Variants in CDH18 observed in about 807,000 individuals in gnomAD.
CDH18 encodes cadherin 18, also known as cadherin-18.
A neutral mutation model predicts 67.9 loss-of-function variants in CDH18; 31 were observed. The ratio of observed to expected loss-of-function variants is 0.46; its 90% CI spans 0.34 to 0.62. The LOEUF (loss-of-function observed/expected upper bound fraction) is 0.62. CDH18 is among the 20% of genes least tolerant of loss of function. CDH18 has a pLI of 0.01. For synonymous variants in CDH18, 362 were observed against 347.2 expected (o/e 1.04, Z -0.48); for missense variants, 890 against 975.5 (o/e 0.91, Z 1.17).
chr5:19,996,122 C>T (rs779616405), intron 2 of CDH18, among the ~76,000 whole-genome samples: 3 of 151,968 alleles, frequency 2.0e-5, no homozygotes, highest in African/African-American at 4.8e-5. Context: ...CTTTTCAGAA[C>T]GATATTCAAT....
chr5:20,447,198 CTTGT>C lies in CDH18; in HGVS notation c.-580+128260_-580+128263del. On this transcript the variant is annotated intron_variant, in intron 1 of 14. Transcript: ENST00000507958. ...TTTTTCTGTTTTTCTCAGTGTCCTTCTTGTTTATTTGTTCTTTCTTCAGTCAATA... is the reference window on the plus strand; with the variant it reads ...TTTTTCTGTTTTTCTCAGTGTCCTTCTTATTTGTTCTTTCTTCAGTCAATA... Among the ~76,000 whole-genome samples the C allele has an allele frequency of 2.0e-5, 3 of 151,966 alleles. No individual in the cohort carries two copies. In the Middle Eastern group the frequency reaches 0.01, roughly 520 times the overall value.
intron 1 of CDH18, among the ~76,000 whole-genome samples, chr5:20,455,041 G>A (rs187228195): frequency 4.7e-5 from 7 of 150,320 alleles, no homozygotes; most frequent in South Asian, 2.1e-4. Context: ...CTCCTAATGC[G>A]AGCCAATGCT....
At chr5:19,699,248 T>C (rs1242387037) in intron 5 of CDH18, among the ~76,000 whole-genome samples, 2 of 152,166 alleles carry the variant, frequency 1.3e-5, no homozygotes, top group Non-Finnish European at 2.9e-5. Context: ...TATATCCTCA[T>C]CCATATTGTC....
chr5:20,438,324 G>C (rs1271642254), intron 1 of CDH18, among the ~76,000 whole-genome samples: 1 of 150,780 alleles, frequency 6.6e-6, no homozygotes, highest in Non-Finnish European at 1.5e-5. Context: ...TAGAATAAAT[G>C]AACAGCAAAT....
At chr5:20,382,504 T>C (rs1743989930) in intron 1 of CDH18, among the ~76,000 whole-genome samples, 1 of 152,086 alleles carries the variant, frequency 6.6e-6, no homozygotes, top group African/African-American at 2.4e-5. Context: ...TGTTAGGTAA[T>C]GGATGCCAAT....
intron 2 of CDH18, among the ~76,000 whole-genome samples, chr5:20,033,144 C>T (rs914899666): frequency 6.6e-6 from 1 of 151,738 alleles, no homozygotes; most frequent in African/African-American, 2.4e-5. Flanking sequence ...GTCAGAGGTT[C>T]AGAAAGAGTA....
At chr5:20,098,429 T>C (rs537232814) in intron 2 of CDH18, among the ~76,000 whole-genome samples, 20 of 152,120 alleles carry the variant, frequency 1.3e-4, no homozygotes, top group Non-Finnish European at 4.4e-5. Flanking sequence ...ATTAGGTATC[T>C]AGAAATTGTT....
intron 5 of CDH18, among the ~76,000 whole-genome samples, chr5:19,621,665 G>C (rs1307562675): frequency 6.6e-6 from 1 of 152,080 alleles, no homozygotes; most frequent in South Asian, 2.1e-4. Context: ...GTTTTCCAGG[G>C]GCTGAGTGAG....
Position 19,612,787 on chromosome 5 carries a change from C to T in CDH18, c.644-186G>A, listed in dbSNP as rs1226183190. Among the ~76,000 whole-genome samples, 7 of 152,214 alleles carry T rather than the reference C, an allele frequency of 4.6e-5. No homozygotes were observed. The East Asian group carries it at 1.4e-3, about 29-fold the overall frequency. ...GTCTCTTTGAAAAATTTACTTATCC[C>T]ATGCCCCAAACATCCTATTAAGTAA... On this transcript the variant is annotated intron_variant, in intron 5 of 12. Transcript: ENST00000382275.
chr5:19,967,485 C>T (rs1022391108), intron 2 of CDH18, among the ~76,000 whole-genome samples: 2 of 152,016 alleles, frequency 1.3e-5, no homozygotes, highest in Admixed American at 1.3e-4. Context: ...ACATATTGTA[C>T]AGAGAGCAAA....
chr5:19,587,993 G>A (rs938860472), intron 7 of CDH18, among the ~76,000 whole-genome samples: 1 of 151,926 alleles, frequency 6.6e-6, no homozygotes. Flanking sequence ...TTCTTGAATA[G>A]GTCCTTTGCT....
intron 1 of CDH18, chr5:20,304,525 C>T: frequency 6.2e-7 from 1 of 1,608,750 alleles, no homozygotes; most frequent in Non-Finnish European, 8.5e-7. Flanking sequence ...CTGGTTTACT[C>T]TGGTAATATC....
intron 8 of CDH18, among the ~76,000 whole-genome samples, 161 bp from the exon 9 acceptor site, chr5:19,544,166 A>G (rs1435771411): frequency 6.6e-6 from 1 of 152,132 alleles, no homozygotes; most frequent in Non-Finnish European, 1.5e-5. Flanking sequence ...ACTTATATCA[A>G]TTATTCTTAT....
intron 1 of CDH18, among the ~76,000 whole-genome samples, chr5:20,410,592 C>T (rs1362045761): frequency 6.6e-6 from 1 of 151,488 alleles, no homozygotes; most frequent in Non-Finnish European, 1.5e-5. Flanking sequence ...ACATCAGAAA[C>T]ATGAGAAGGA....
At chr5:19,499,297 C>T (rs139722788) in intron 11 of CDH18, among the ~76,000 whole-genome samples, 1,673 of 152,232 alleles carry the variant, frequency 0.011, 17 homozygotes, top group South Asian at 0.031. Flanking sequence ...TCTTTTCTAC[C>T]TAACTACAGA....
chr5:19,868,638 GAA>G (rs1483301225), intron 2 of CDH18, among the ~76,000 whole-genome samples: 2 of 152,078 alleles, frequency 1.3e-5, no homozygotes, highest in Non-Finnish European at 2.9e-5. Context: ...TCCTCACATG[GAA>G]AGAGACTGAA....
intron 9 of CDH18, among the ~76,000 whole-genome samples, chr5:19,528,897 C>T (rs891163754): frequency 2.0e-5 from 3 of 151,608 alleles, no homozygotes; most frequent in Non-Finnish European, 3.0e-5. Context: ...CCATTCTGTG[C>T]GTATATCCCA....
chr5:20,205,379 C>A (rs894006617), intron 2 of CDH18, among the ~76,000 whole-genome samples: 1 of 151,836 alleles, frequency 6.6e-6, no homozygotes, highest in Non-Finnish European at 1.5e-5. Flanking sequence ...GTATATGCAA[C>A]AAACAAACAT....
chr5:20,050,064 T>G (rs934869289), intron 2 of CDH18, among the ~76,000 whole-genome samples: 1 of 151,114 alleles, frequency 6.6e-6, no homozygotes, highest in Admixed American at 6.6e-5. Context: ...AAATAATGAA[T>G]AAAGTTGGTT....
Sources: gnomAD v4.1 joint callset for allele counts (sites outside exome capture counted in the v4.1 genomes callset) on GRCh38, gnomAD v4.1.1 for gene constraint, MANE v1.5 for transcripts, NCBI Gene and HGNC (gene_info 2026-07-23, HGNC 2026-07-21) for gene names.